Variants in ULK2 observed in about 807,000 individuals in gnomAD.
The protein encoded by ULK2 is unc-51 like autophagy activating kinase 2.
In ULK2, 76 loss-of-function variants were observed where a neutral mutation model predicts 127.5. The observed-to-expected ratio is 0.60, with a 90% CI of 0.50 to 0.72. ULK2 has a LOEUF of 0.72. ULK2 is among the 30% of genes least tolerant of loss of function. ULK2 has a pLI of 0.00. For missense variants in ULK2, 1,144 were observed against 1,295.9 expected, an observed-to-expected ratio of 0.88 and a Z score of 1.80; for synonymous variants, 452 against 461.9, an observed-to-expected ratio of 0.98 and a Z score of 0.28.
chr17:19,845,387 A>T lies in ULK2; in HGVS notation c.470-10T>A. ...GCAAAACCAAAATCCGCTATTTCAC[A>T]AAACAGAAAGTAGAAAAGCAAATTA... On this transcript the variant is annotated splice_polypyrimidine_tract_variant and intron_variant, in intron 6 of 26. Coordinates refer to ENST00000395544, the MANE Select transcript of ULK2 (RefSeq NM_014683.4). 6.2e-7 allele frequency: 1 copy of T among 1,612,288 alleles called. No homozygotes were observed. Among genetic ancestry groups the T allele is most frequent in the Non-Finnish European group, 8.5e-7 (1 of 1,178,392 alleles).
intron 9 of ULK2, chr17:19,840,395 C>T (rs1036885297): frequency 1.7e-5 from 9 of 516,056 alleles, no homozygotes; most frequent in Non-Finnish European, 2.3e-5. Flanking sequence ...CACTCTTGGG[C>T]GCTCTGTGTG....
At chr17:19,820,550 G>T (rs1419709911) in intron 12 of ULK2, among the ~76,000 whole-genome samples, 1 of 152,134 alleles carries the variant, frequency 6.6e-6, no homozygotes, top group Non-Finnish European at 1.5e-5. Context: ...TCCACTATGG[G>T]AGCTACCAGC....
intron 20 of ULK2, among the ~76,000 whole-genome samples, chr17:19,794,671 C>G (rs1237016548): frequency 6.6e-6 from 1 of 151,340 alleles, no homozygotes; most frequent in Non-Finnish European, 1.5e-5. Flanking sequence ...ACGATGCTGG[C>G]TCAGATATTT....
chr17:19,840,005 T>C (rs2041701010), intron 9 of ULK2: 1 of 296,358 alleles, frequency 3.4e-6, no homozygotes. Flanking sequence ...AGAGCCTGTT[T>C]GCAGTAACCA....
intron 7 of ULK2, among the ~76,000 whole-genome samples, chr17:19,844,528 A>C (rs992536041): frequency 1.3e-5 from 2 of 152,122 alleles, no homozygotes; most frequent in African/African-American, 4.8e-5. Context: ...AACTAATTTT[A>C]TACTCAAGAA....
At chr17:19,799,060 C>T (rs2087337287) in intron 17 of ULK2, among the ~76,000 whole-genome samples, 1 of 151,280 alleles carries the variant, frequency 6.6e-6, no homozygotes, top group African/African-American at 2.4e-5. Flanking sequence ...ACTTGGGTGG[C>T]TGAGGCAGAA....
In ULK2 at chr17:19,814,453, T is replaced by A. The variant is rs1567696687; in HGVS notation, c.1096+2296A>T. Among the ~76,000 whole-genome samples the A allele has an allele frequency of 1.6e-3, 105 of 64,450 alleles. 3 individuals carry two copies. Among genetic ancestry groups the A allele is most frequent in the African/African-American group, 5.4e-3 (88 of 16,236 alleles). 42.3% of individuals were successfully genotyped at this position (64,450 alleles called of 152,430 possible). A position where few individuals can be genotyped will look rare whatever the true frequency, so the allele number is the denominator to read the frequency against. On this transcript the variant is annotated intron_variant, in intron 13 of 26. Transcript: ENST00000395544. The stretch of plus-strand genomic sequence containing the variant: ...ATATATATATATTTTTTTTTTTTTT[T>A]TTTTTTTTTTGGAGACAGGGTCTTG...
intron 10 of ULK2, 101 bp downstream of exon 10, chr17:19,838,400 G>C (rs2041650179): frequency 1.9e-6 from 2 of 1,055,110 alleles, no homozygotes; most frequent in African/African-American, 1.6e-5. Flanking sequence ...AAAAAGAAAA[G>C]TGAAACTGAC....
chr17:19,785,850 T>A, intron 21 of ULK2, 87 bp downstream of exon 21: 1 of 1,486,998 alleles, frequency 6.7e-7, no homozygotes. Context: ...ATTAAGTGAC[T>A]TGTCCAAGTT....
intron 6 of ULK2, 142 bp downstream of exon 6, chr17:19,846,595 G>A (rs1417603524): frequency 1.7e-5 from 15 of 895,000 alleles, no homozygotes; most frequent in African/African-American, 1.6e-4. Flanking sequence ...AGCCAAGATC[G>A]CGCCACTACA....
At chr17:19,814,612 A>G (rs1411084435) in intron 13 of ULK2, among the ~76,000 whole-genome samples, 1 of 151,480 alleles carries the variant, frequency 6.6e-6, no homozygotes, top group African/African-American at 2.4e-5. Flanking sequence ...GGGTCTTGCC[A>G]TGATGCCCTG....
At chr17:19,807,051 G>C (rs1246642106) in intron 14 of ULK2, among the ~76,000 whole-genome samples, 1 of 152,216 alleles carries the variant, frequency 6.6e-6, no homozygotes, top group East Asian at 1.9e-4. Context: ...AGGTAATCAG[G>C]AAAGCAAGGG....
In ULK2 at chr17:19,776,266, G is replaced by T; in HGVS notation, c.*83C>A. ...CAGTTAAGAAGCTACAGTTTCCTGGGGATGGGGTGACAGAACTCAAGCTGT... is the reference window on the plus strand; with the variant it reads ...CAGTTAAGAAGCTACAGTTTCCTGGTGATGGGGTGACAGAACTCAAGCTGT... On this transcript the variant is annotated 3_prime_UTR_variant, in exon 27 of 27. Coordinates refer to ENST00000395544, the MANE Select transcript of ULK2 (RefSeq NM_014683.4). The T allele has an allele frequency of 7.9e-7, 1 of 1,269,712 alleles. No individual in the cohort carries two copies. Among genetic ancestry groups the T allele is most frequent in the Non-Finnish European group, 1.1e-6 (1 of 930,528 alleles). The allele number at this position is 1,269,712 out of a possible 1,614,324, so 78.7% of individuals were successfully genotyped here.
At chr17:19,847,197 A>AT (rs1259351037) in intron 5 of ULK2, among the ~76,000 whole-genome samples, 2 of 152,196 alleles carry the variant, frequency 1.3e-5, no homozygotes, top group Admixed American at 1.3e-4. Flanking sequence ...AGGTGCCCAC[A>AT]TGACTCTGAA....
At chr17:19,801,733 A>G in intron 16 of ULK2, 44 bp downstream of exon 16, 1 of 1,605,860 alleles carries the variant, frequency 6.2e-7, no homozygotes, top group Non-Finnish European at 8.5e-7. Flanking sequence ...GATTTATTAC[A>G]GTGAAAAAAA....
intron 17 of ULK2, among the ~76,000 whole-genome samples, chr17:19,798,256 T>C (rs1227561291): frequency 1.3e-5 from 2 of 152,254 alleles, no homozygotes; most frequent in African/African-American, 4.8e-5. Flanking sequence ...GGATTTTCTG[T>C]ACTTTGTCCA....
At chr17:19,807,552 C>A (rs1056582317) in intron 14 of ULK2, among the ~76,000 whole-genome samples, 1 of 152,068 alleles carries the variant, frequency 6.6e-6, no homozygotes, top group Non-Finnish European at 1.5e-5. Context: ...GGCACTATTA[C>A]TAAGAAGTGC....
intron 20 of ULK2, among the ~76,000 whole-genome samples, chr17:19,794,078 T>C (rs983580812): frequency 1.3e-5 from 2 of 152,202 alleles, no homozygotes; most frequent in African/African-American, 2.4e-5. Flanking sequence ...AAGAATGCCT[T>C]TGATGGACTC....
Position 19,841,344 on chromosome 17 carries a change from G to T in ULK2, c.704+145C>A, listed in dbSNP as rs1405109395. ...CTACACAGACACCTATGATGTGCCA[G>T]CAATTTTCTAATTTGTTGTAACAAA... On this transcript the variant is annotated intron_variant, in intron 9 of 26. Transcript: ENST00000395544. 5 of 760,522 alleles carry T rather than the reference G, an allele frequency of 6.6e-6. No individual in the cohort carries two copies. In the East Asian group the frequency reaches 1.4e-4, roughly 22 times the overall value. The allele number at this position is 760,522 out of a possible 1,614,324, so 47.1% of individuals were successfully genotyped here.
Sources: gnomAD v4.1 joint callset for allele counts (sites outside exome capture counted in the v4.1 genomes callset) on GRCh38, gnomAD v4.1.1 for gene constraint, MANE v1.5 for transcripts, NCBI Gene and HGNC (gene_info 2026-07-23, HGNC 2026-07-21) for gene names.